Variants in CATSPER4 observed in about 807,000 individuals in gnomAD.
CATSPER4 encodes the protein cation channel sperm-associated protein 4.
CATSPER4 carries 46 observed loss-of-function variants against 54.4 expected under a neutral mutation model. That is an observed-to-expected ratio of 0.84 (90% CI 0.67 to 1.08). CATSPER4 has a LOEUF of 1.08. Ranked by LOEUF, CATSPER4 falls within the 50% of genes least tolerant of loss-of-function variation. The pLI, the probability that CATSPER4 is intolerant of heterozygous loss-of-function variation, is 0.00. For synonymous variants in CATSPER4, 230 were observed against 231.9 expected (o/e 0.99, Z 0.08); for missense variants, 574 against 612.8 (o/e 0.94, Z 0.67).
chr1:26,197,198 G>A (rs1190998721), intron 3 of CATSPER4, among the ~76,000 whole-genome samples: 4 of 152,112 alleles, frequency 2.6e-5, no homozygotes, highest in African/African-American at 9.7e-5. Flanking sequence ...GAGCCATCGC[G>A]CCTGGCCCGC....
chr1:26,197,216 C>T (rs2088952627), intron 3 of CATSPER4, among the ~76,000 whole-genome samples: 1 of 152,136 alleles, frequency 6.6e-6, no homozygotes, highest in South Asian at 2.1e-4. Flanking sequence ...CGCCTGTCTC[C>T]CTTTCTTGTG....
chr1:26,201,672 T>C, intron 9 of CATSPER4, 153 bp downstream of exon 9: 1 of 688,178 alleles, frequency 1.5e-6, no homozygotes, highest in Non-Finnish European at 2.5e-6. Flanking sequence ...TTCTTTTTTC[T>C]TTTTCTTTCT....
Position 26,200,816 on chromosome 1 carries a change from C to T in CATSPER4, c.988-14C>T. 1 of 1,610,452 alleles carries T rather than the reference C, an allele frequency of 6.2e-7. No homozygotes were observed. Among genetic ancestry groups the T allele is most frequent in the South Asian group, 1.1e-5 (1 of 91,016 alleles). ...CTGAGCTGTCCCGACCCCTCTCTAT[C>T]CCCCGCTTCCCAGACAGGCGCAGAG... On this transcript the variant is annotated splice_polypyrimidine_tract_variant and intron_variant, in intron 7 of 9. Coordinates refer to ENST00000456354, the MANE Select transcript of CATSPER4 (RefSeq NM_198137.2).
At position 26,190,616 on chromosome 1, in the gene CATSPER4, G is replaced by T. The variant is rs1569896337; in HGVS notation, c.-12G>T. The T allele has an allele frequency of 6.3e-7, 1 of 1,597,310 alleles. No homozygotes were observed. Reference sequence around the variant, plus strand: ...GAAGATTCTTTGAGGAGAAGGAAGAGACTGAGCAAACATGAGGGATAATGA... The same window carrying T: ...GAAGATTCTTTGAGGAGAAGGAAGATACTGAGCAAACATGAGGGATAATGA... On this transcript the variant is annotated 5_prime_UTR_variant, in exon 1 of 10. Coordinates refer to ENST00000456354, the MANE Select transcript of CATSPER4 (RefSeq NM_198137.2).
At chr1:26,197,525 T>A (rs10902719) in intron 3 of CATSPER4, among the ~76,000 whole-genome samples, 161 bp from the exon 4 acceptor site, 127,639 of 152,062 alleles carry the variant, frequency 0.84, 54,673 homozygotes, top group Non-Finnish European at 0.9. Flanking sequence ...GTTTTGTGGC[T>A]TGTTTGGGGG....
At position 26,201,514 on chromosome 1, in the gene CATSPER4, G is replaced by A; in HGVS notation, c.1360G>A (p.Glu454Lys). 1 of 1,612,412 alleles carries A rather than the reference G, an allele frequency of 6.2e-7. No individual in the cohort carries two copies. The highest frequency in any genetic ancestry group is 8.5e-7 in the Non-Finnish European group (1 of 1,179,254). ...QDLLSALVSM[E>K]KVHDSSSQIL... is the part of the protein sequence containing the mutation. ...CTTGCTCAGTGCGCTCGTTAGCATG[G>A]AAAAGGTGTGCCTTCCTTCTCCTAC... Residue 454 changes from glutamate to lysine, a missense_variant, in exon 9 of 10, where the codon GAA becomes AAA. Physicochemically the swap from Glu to Lys is moderately conservative, Grantham distance 56. Coordinates refer to ENST00000456354, the MANE Select transcript of CATSPER4 (RefSeq NM_198137.2).
Position 26,199,935 on chromosome 1 carries a change from C to T in CATSPER4, c.864C>T (p.Thr288=), listed in dbSNP as rs774857381. 6.2e-6 allele frequency: 10 copies of T among 1,614,192 alleles called. No individual in the cohort carries two copies. Among genetic ancestry groups the T allele is most frequent in the Admixed American group, 3.3e-5 (2 of 60,020 alleles). Residue 288 remains threonine (T), a synonymous_variant, in exon 7 of 10, where the codon ACC becomes ACT. Transcript: ENST00000456354. The stretch of plus-strand genomic sequence containing the variant: ...AGATTGGGGGTGCCATCTACTTTAC[C>T]ATCTTCATCACCATCGGTGCCTTCA... ...AMEIGGAIYF[T]IFITIGAFIG...
chr1:26,200,048 C>T lies in CATSPER4; in HGVS notation c.977C>T (p.Thr326Ile), dbSNP rs192364229. Residue 326 changes from threonine (T) to isoleucine (I), a missense_variant, in exon 7 of 10, where the codon ACC becomes ATC. Thr to Ile is a moderately conservative substitution (Grantham distance 89). Coordinates refer to ENST00000456354, the MANE Select transcript of CATSPER4 (RefSeq NM_198137.2). The part of the protein sequence containing the change: ...AGEQGQQQRI[T>I]FSETGAEEEE... ...GAGCAGGGACAACAGCAACGAATAA[C>T]CTTTAGTGAGGTGCGTGGGATGGGG... The T allele has an allele frequency of 3.1e-6, 5 of 1,613,354 alleles. No homozygotes were observed. Among genetic ancestry groups the T allele is most frequent in the East Asian group, 2.2e-5 (1 of 44,874 alleles).
At position 26,198,013 on chromosome 1, in the gene CATSPER4, G is replaced by T. The variant is rs371089081; in HGVS notation, c.614G>T (p.Arg205Leu). ...MAVEPLARII[R>L]VILQSVPDMA... ...GTGGAGCCCCTCGCCCGGATCATCC[G>T]CGTCATCCTGCAGTCGGTGCCTGAC... is the stretch of plus-strand genomic sequence containing the variant. The change falls in exon 5 of 10, where the codon CGC (arginine) becomes CTC (leucine). Residue 205 changes from arginine to leucine, a missense_variant. Coordinates refer to ENST00000456354, the MANE Select transcript of CATSPER4 (RefSeq NM_198137.2). 1.4e-5 allele frequency: 23 copies of T among 1,614,046 alleles called. No homozygotes were observed. The Middle Eastern group carries it at 1.5e-3, about 105-fold the overall frequency.
At chr1:26,197,277 T>C (rs1229248313) in intron 3 of CATSPER4, among the ~76,000 whole-genome samples, 1 of 152,218 alleles carries the variant, frequency 6.6e-6, no homozygotes, top group Non-Finnish European at 1.5e-5. Context: ...GTATTCCTTA[T>C]GTTTTTACTA....
At position 26,201,408 on chromosome 1, in the gene CATSPER4, G is replaced by A; in HGVS notation, c.1254G>A (p.Val418=). Residue 418 remains valine (V), a synonymous_variant, in exon 9 of 10, where the codon GTG becomes GTA. Transcript: ENST00000456354. ...IRFNQEQESE[V]LNRRSSTSGS... Reference sequence around the variant, plus strand: ...TCAACCAGGAGCAGGAGTCAGAGGTGTTGAACAGGCGCTCGTCGACGAGCG... The same window carrying A: ...TCAACCAGGAGCAGGAGTCAGAGGTATTGAACAGGCGCTCGTCGACGAGCG... 4.3e-6 allele frequency: 7 copies of A among 1,614,168 alleles called. No homozygotes were observed. Among genetic ancestry groups the A allele is most frequent in the Non-Finnish European group, 5.9e-6 (7 of 1,180,032 alleles).
At chr1:26,198,193 A>G in intron 5 of CATSPER4, 93 bp from the exon 6 acceptor site, 1 of 1,613,412 alleles carries the variant, frequency 6.2e-7, no homozygotes, top group Non-Finnish European at 8.5e-7. Context: ...AATCCCTGTG[A>G]TTTCCTCAGC....
intron 3 of CATSPER4, 150 bp from the exon 4 acceptor site, chr1:26,197,536 G>A (rs2088956058): frequency 3.0e-6 from 2 of 665,938 alleles, no homozygotes; most frequent in East Asian, 2.7e-5. Flanking sequence ...TGTTTGGGGG[G>A]CGGCAGGGTA....
intron 9 of CATSPER4, chr1:26,201,740 A>G (rs1569913242): frequency 2.1e-6 from 1 of 471,028 alleles, no homozygotes; most frequent in Non-Finnish European, 3.7e-6. Flanking sequence ...CCCAGGCTGG[A>G]GTGCAGTGGC....
chr1:26,196,224 C>A (rs555179677), intron 3 of CATSPER4, among the ~76,000 whole-genome samples: 1 of 144,224 alleles, frequency 6.9e-6, no homozygotes, highest in East Asian at 2.0e-4. Flanking sequence ...CTCAAGCAAT[C>A]CTCTCCCGCC....
Position 26,193,864 on chromosome 1 carries a change from C to T in CATSPER4, c.435C>T (p.Leu145=). The T allele has an allele frequency of 1.2e-6, 2 of 1,614,060 alleles. No homozygotes were observed. Among genetic ancestry groups the T allele is most frequent in the Non-Finnish European group, 1.7e-6 (2 of 1,179,924 alleles). The part of the protein sequence containing the change: ...ILLCEVLLGW[L]NGFWIFWKDG... Reference sequence around the variant, plus strand: ...TTTGTGAGGTTCTCCTTGGCTGGCTCAATGGCTTCTGGATTTTCTGGAAGG... The same window carrying T: ...TTTGTGAGGTTCTCCTTGGCTGGCTTAATGGCTTCTGGATTTTCTGGAAGG... The change falls in exon 3 of 10, where the codon CTC becomes CTT. Residue 145 remains leucine (L), a synonymous_variant. Coordinates refer to ENST00000456354, the MANE Select transcript of CATSPER4 (RefSeq NM_198137.2).
In CATSPER4 at chr1:26,202,587, CG is replaced by C; in HGVS notation, c.*46del. On this transcript the variant is annotated 3_prime_UTR_variant, in exon 10 of 10. Coordinates refer to ENST00000456354, the MANE Select transcript of CATSPER4 (RefSeq NM_198137.2). ...AGGGGCCTGCACACACACACCCAGC[CG>C]CTGCGTCTTCCTGTGTCCTTAGTGT... 1 of 1,549,736 alleles carries C rather than the reference CG, an allele frequency of 6.5e-7. No homozygotes were observed. Among genetic ancestry groups the C allele is most frequent in the Non-Finnish European group, 8.9e-7 (1 of 1,129,420 alleles).
At position 26,198,079 on chromosome 1, in the gene CATSPER4, T is replaced by C; in HGVS notation, c.678+2T>C. On this transcript the variant is annotated splice_donor_variant, in intron 5 of 9. Coordinates refer to ENST00000456354, the MANE Select transcript of CATSPER4 (RefSeq NM_198137.2). LOFTEE classifies it high-confidence loss of function. ...GTCCTCATCCTCTTCTTCATGCTGG[T>C]CAGTGCCTGCCCCCGCCCCCAGCTG... 6.2e-7 allele frequency: 1 copy of C among 1,614,170 alleles called. No homozygotes were observed. Among genetic ancestry groups the C allele is most frequent in the Non-Finnish European group, 8.5e-7 (1 of 1,180,018 alleles).
At position 26,197,534 on chromosome 1, in the gene CATSPER4, G is replaced by A; in HGVS notation, c.460-152G>A. The A allele has an allele frequency of 4.5e-6, 3 of 664,700 alleles. No individual in the cohort carries two copies. The South Asian group carries it at 4.9e-5, about 11-fold the overall frequency. 41.2% of individuals were successfully genotyped at this position (664,700 alleles called of 1,614,324 possible). On this transcript the variant is annotated intron_variant, in intron 3 of 9. Coordinates refer to ENST00000456354, the MANE Select transcript of CATSPER4 (RefSeq NM_198137.2). Reference sequence around the variant, plus strand: ...ACGTGTGTTTTGTGGCTTGTTTGGGGGGCGGCAGGGTAACAGCAGTGGATG... The same window carrying A: ...ACGTGTGTTTTGTGGCTTGTTTGGGAGGCGGCAGGGTAACAGCAGTGGATG...
Sources: allele counts gnomAD v4.1 joint callset (sites outside exome capture counted in the v4.1 genomes callset), GRCh38; gene constraint gnomAD v4.1.1; transcripts MANE v1.5; gene names NCBI Gene and HGNC (gene_info 2026-07-23, HGNC 2026-07-21).